TRAPPC8: variants seen among roughly 807,000 people sequenced by gnomAD.
TRAPPC8 encodes general sporulation gene 1 homolog.
TRAPPC8 carries 54 observed loss-of-function variants against 174.3 expected under a neutral mutation model. That is an observed-to-expected ratio of 0.31 (90% CI 0.25 to 0.39). The LOEUF is 0.39. Among genes scored for constraint, TRAPPC8 ranks in the 10% least tolerant of loss-of-function variants. The pLI, the probability that TRAPPC8 is intolerant of heterozygous loss-of-function variation, is 1.00. For missense variants in TRAPPC8, 1,531 were observed against 1,699.1 expected (o/e 0.90, Z 1.74); for synonymous variants, 630 against 579.9 (o/e 1.09, Z -1.24).
At chr18:31,851,167 C>T (rs2033684439) in intron 24 of TRAPPC8, among the ~76,000 whole-genome samples, 1 of 152,126 alleles carries the variant, frequency 6.6e-6, no homozygotes, top group African/African-American at 2.4e-5. Context: ...ACTAATAGCA[C>T]ACAATTATAT....
chr18:31,917,698 A>C (rs751137130), intron 2 of TRAPPC8, 31 bp from the exon 3 acceptor site: 37 of 1,569,538 alleles, frequency 2.4e-5, no homozygotes, highest in Non-Finnish European at 2.7e-5. Flanking sequence ...AACAGTTAAA[A>C]GTATTCAATA....
chr18:31,867,036 C>CT, intron 17 of TRAPPC8, 61 bp from the exon 18 acceptor site: 1 of 1,548,644 alleles, frequency 6.5e-7, no homozygotes, highest in South Asian at 1.2e-5. Flanking sequence ...AGCACAATAC[C>CT]TAATTCTATA....
rs1459622145 is a variant in TRAPPC8 at position 31,853,883 on chromosome 18, C to T, written c.3399G>A (p.Lys1133=). ...VQVSSSSKHW[K]LQKSVNLSEN... is the part of the protein sequence containing the mutation. ...CAGAAAGATTTACAGATTTCTGTAACTTCCAGTGTTTGCTACTACTTGATA... is the reference window on the plus strand; with the variant it reads ...CAGAAAGATTTACAGATTTCTGTAATTTCCAGTGTTTGCTACTACTTGATA... The change falls in exon 22 of 29, where the codon AAG becomes AAA. Residue 1133 remains lysine, a synonymous_variant. Transcript: ENST00000283351. The T allele has an allele frequency of 6.2e-7, 1 of 1,611,268 alleles. No individual in the cohort carries two copies. The highest frequency in any genetic ancestry group is 2.2e-5 in the East Asian group (1 of 44,746).
intron 26 of TRAPPC8, 62 bp from the exon 27 acceptor site, chr18:31,839,519 AGCATAGTGTATATAT>A: frequency 7.2e-7 from 1 of 1,388,656 alleles, no homozygotes; most frequent in Non-Finnish European, 9.7e-7. Flanking sequence ...AAAAAAAAAA[AGCATAGTGTATATAT>A]ACAAAAGTTA....
rs746592404 is a variant in TRAPPC8, at chr18:31,873,379, G to GT, written c.2062+50dup. 64 of 1,430,492 alleles carry GT rather than the reference G, an allele frequency of 4.5e-5. 1 individual carries two copies. The highest frequency in any genetic ancestry group is 3.6e-4 in the South Asian group (29 of 79,722). 88.6% of individuals were successfully genotyped at this position (1,430,492 alleles called of 1,614,324 possible). Reference sequence around the variant, plus strand: ...TTTTTAAATGGAGAAAGGAAAAGAAGTTTTTTTTAAATTGTCATTAGGTAA... The same window carrying GT: ...TTTTTAAATGGAGAAAGGAAAAGAAGTTTTTTTTTAAATTGTCATTAGGTAA... On this transcript the variant is annotated intron_variant, in intron 14 of 28. Transcript: ENST00000283351.
chr18:31,908,822 T>TAA lies in TRAPPC8; in HGVS notation c.1052_1053dup (p.Ile352LeufsTer14). 6.2e-7 allele frequency: 1 copy of TAA among 1,613,750 alleles called. No individual in the cohort carries two copies. Among genetic ancestry groups the TAA allele is most frequent in the Non-Finnish European group, 8.5e-7 (1 of 1,179,746 alleles). On this transcript the variant is annotated frameshift_variant, in exon 7 of 29. Coordinates refer to ENST00000283351, the MANE Select transcript of TRAPPC8 (RefSeq NM_014939.5). LOFTEE classifies it high-confidence loss of function. ...AGGCCCCGAAATGTGAACTCTTGTATAAACTGTCGAATTCTATCATGATCA... is the reference window on the plus strand; with the variant it reads ...AGGCCCCGAAATGTGAACTCTTGTATAAAAACTGTCGAATTCTATCATGATCA...
At chr18:31,885,304 G>A (rs1242959095) in intron 12 of TRAPPC8, among the ~76,000 whole-genome samples, 2 of 152,132 alleles carry the variant, frequency 1.3e-5, no homozygotes, top group African/African-American at 2.4e-5. Flanking sequence ...CATGAAAATA[G>A]CAGAGACATG....
chr18:31,855,909 A>AC, intron 20 of TRAPPC8, 102 bp from the exon 21 acceptor site: 1 of 1,227,390 alleles, frequency 8.1e-7, no homozygotes, highest in East Asian at 2.7e-5. Context: ...CACTCTCAGG[A>AC]CCATTTATAC....
At chr18:31,862,460 A>C (rs914161685) in intron 19 of TRAPPC8, among the ~76,000 whole-genome samples, 2 of 152,164 alleles carry the variant, frequency 1.3e-5, no homozygotes, top group Non-Finnish European at 2.9e-5. Context: ...TCAGAATATT[A>C]ATATAATAGA....
chr18:31,919,625 G>A (rs1420475103), intron 2 of TRAPPC8, among the ~76,000 whole-genome samples: 2 of 151,066 alleles, frequency 1.3e-5, no homozygotes, highest in Non-Finnish European at 2.9e-5. Flanking sequence ...GGGAGGCTGA[G>A]GTGAGTGGAC....
At chr18:31,872,657 G>A (rs2034928343) in intron 14 of TRAPPC8, among the ~76,000 whole-genome samples, 1 of 152,082 alleles carries the variant, frequency 6.6e-6, no homozygotes, top group Non-Finnish European at 1.5e-5. Context: ...TTGACCTCAT[G>A]ATCTGCCCGT....
At position 31,907,676 on chromosome 18, in the gene TRAPPC8, A is replaced by T. The variant is rs77159512; in HGVS notation, c.1239-66T>A. ...CCAAACCATTAAAATTATAAAATACATTAACAAGCTGCCATGTTCTTCTAG... is the reference window on the plus strand; with the variant it reads ...CCAAACCATTAAAATTATAAAATACTTTAACAAGCTGCCATGTTCTTCTAG... On this transcript the variant is annotated intron_variant, in intron 8 of 28. Transcript: ENST00000283351. 8,280 of 1,319,412 alleles carry T rather than the reference A, an allele frequency of 6.3e-3. 414 individuals carry two copies. The African/African-American group carries it at 0.11, about 17-fold the overall frequency. The allele number at this position is 1,319,412 out of a possible 1,614,324, so 81.7% of individuals were successfully genotyped here.
intron 25 of TRAPPC8, among the ~76,000 whole-genome samples, chr18:31,847,932 GT>G (rs1423627416): frequency 6.6e-6 from 1 of 151,920 alleles, no homozygotes; most frequent in Non-Finnish European, 1.5e-5. Flanking sequence ...TTTTTCAACT[GT>G]TTTTCTTCAC....
intron 3 of TRAPPC8, 50 bp downstream of exon 3, chr18:31,917,528 A>G (rs1036948800): frequency 5.3e-6 from 8 of 1,521,804 alleles, no homozygotes; most frequent in African/African-American, 1.4e-5. Context: ...TCTGAGATTA[A>G]TAACTTCCAT....
At chr18:31,934,945 G>A (rs958323908) in intron 1 of TRAPPC8, among the ~76,000 whole-genome samples, 16 of 71,412 alleles carry the variant, frequency 2.2e-4, no homozygotes, top group African/African-American at 4.6e-4. Flanking sequence ...GAGAGGCTCC[G>A]TCTCATAAAT....
intron 26 of TRAPPC8, among the ~76,000 whole-genome samples, chr18:31,843,167 C>T (rs1373137872): frequency 1.3e-5 from 2 of 152,122 alleles, no homozygotes; most frequent in Non-Finnish European, 2.9e-5. Flanking sequence ...ATCAATTTAG[C>T]AGGCTCTTAT....
rs372280636 is a variant in TRAPPC8 at position 31,897,919 on chromosome 18, A to C, written c.1491-28T>G. 3 of 1,578,786 alleles carry C rather than the reference A, an allele frequency of 1.9e-6. No homozygotes were observed. The South Asian group carries it at 3.4e-5, about 18-fold the overall frequency. On this transcript the variant is annotated intron_variant, in intron 10 of 28. Coordinates refer to ENST00000283351, the MANE Select transcript of TRAPPC8 (RefSeq NM_014939.5). ...ATAGAAAAAAGGACAAGAAGATAAA[A>C]TAGCACAATAATACCTTAGCACATC...
intron 22 of TRAPPC8, 101 bp from the exon 23 acceptor site, chr18:31,852,764 C>A: frequency 2.2e-6 from 2 of 911,944 alleles, no homozygotes; most frequent in South Asian, 1.5e-5. Flanking sequence ...GAAAATAATT[C>A]GTAATTATAA....
chr18:31,899,505 A>G (rs1021594304), intron 10 of TRAPPC8, among the ~76,000 whole-genome samples: 10 of 152,230 alleles, frequency 6.6e-5, no homozygotes, highest in East Asian at 3.8e-4. Flanking sequence ...AATTGCCTCT[A>G]TATCTGCCTT....
Sources: gnomAD v4.1 joint callset for allele counts (sites outside exome capture counted in the v4.1 genomes callset) on GRCh38, gnomAD v4.1.1 for gene constraint, MANE v1.5 for transcripts, NCBI Gene and HGNC (gene_info 2026-07-23, HGNC 2026-07-21) for gene names.